GFRA4: variants seen among roughly 807,000 people sequenced by gnomAD.
GFRA4 encodes GDNF family receptor alpha 4.
A neutral mutation model predicts 28.5 loss-of-function variants in GFRA4; 31 were observed. The observed-to-expected ratio is 1.09, with a 90% CI of 0.82 to 1.47. The LOEUF (loss-of-function observed/expected upper bound fraction) is 1.47, where lower values mean the gene tolerates loss of function less well. GFRA4 is among the 40% of genes most tolerant of loss of function. The pLI, the probability that GFRA4 is intolerant of heterozygous loss-of-function variation, is 0.00. For missense variants in GFRA4, 389 were observed against 413.2 expected (o/e 0.94, Z 0.51); for synonymous variants, 188 against 188.0 (o/e 1.00, Z 0.00).
In GFRA4 at chr20:3,659,780, C is replaced by T. The variant is rs909101247; in HGVS notation, c.*129G>A. ...GGGTGTCCAAACCTACAAAGGGCAG[C>T]GGAGTGAAAGCACCAGGGCCGGCTT... On this transcript the variant is annotated 3_prime_UTR_variant, in exon 6 of 6. Transcript: ENST00000290417. The T allele has an allele frequency of 1.3e-5, 11 of 849,598 alleles. No individual in the cohort carries two copies. The highest frequency in any genetic ancestry group is 2.2e-5 in the Admixed American group (1 of 44,796). 52.6% of individuals were successfully genotyped at this position (849,598 alleles called of 1,614,324 possible).
At chr20:3,662,511 C>T (rs904665050) in intron 1 of GFRA4, among the ~76,000 whole-genome samples, 4 of 152,124 alleles carry the variant, frequency 2.6e-5, no homozygotes, top group African/African-American at 9.7e-5. Flanking sequence ...AGCAGGGTGC[C>T]TCTCTGGCAA....
Position 3,659,890 on chromosome 20 carries a change from T to C in GFRA4, c.*19A>G, listed in dbSNP as rs535023669. 11 of 1,578,532 alleles carry C rather than the reference T, an allele frequency of 7.0e-6. No homozygotes were observed. In the African/African-American group the frequency reaches 1.2e-4, roughly 17 times the overall value. On this transcript the variant is annotated 3_prime_UTR_variant, in exon 6 of 6. Transcript: ENST00000290417. ...CAGGGTGGAGTAGCTGGCTGTGCTATCCGAGGTCGCTGTCCTAATCAGAGC... is the reference window on the plus strand; with the variant it reads ...CAGGGTGGAGTAGCTGGCTGTGCTACCCGAGGTCGCTGTCCTAATCAGAGC...
rs1056923550 is a variant in GFRA4, at chr20:3,659,828, C to T, written c.*81G>A. 8.0e-6 allele frequency: 11 copies of T among 1,366,954 alleles called. No individual in the cohort carries two copies. The highest frequency in any genetic ancestry group is 1.1e-5 in the Non-Finnish European group (11 of 984,036). 84.7% of individuals were successfully genotyped at this position (1,366,954 alleles called of 1,614,324 possible). ...CTTGGGGGGTAAGCCAGCCCCTTCT[C>T]AAGGGGCCAGTAGGCCACAGAGGCG... On this transcript the variant is annotated 3_prime_UTR_variant, in exon 6 of 6. Coordinates refer to ENST00000290417, the MANE Select transcript of GFRA4 (RefSeq NM_022139.4).
intron 4 of GFRA4, 86 bp from the exon 5 acceptor site, chr20:3,660,335 C>T: frequency 1.7e-6 from 2 of 1,185,026 alleles, no homozygotes; most frequent in Non-Finnish European, 2.4e-6. Context: ...AGACCCCCTG[C>T]TGCAAAGACT....
chr20:3,661,193 G>A lies in GFRA4; in HGVS notation c.143C>T (p.Ala48Val). The change falls in exon 2 of 6, where the codon GCG (alanine) becomes GTG (valine). Residue 48 changes from alanine (A) to valine (V), a missense_variant. Coordinates refer to ENST00000290417, the MANE Select transcript of GFRA4 (RefSeq NM_022139.4). ...RCQRLRSEYV[A>V]QCLGRAAQGG... is the part of the protein sequence containing the mutation. ...CTGCGCAGCCCGGCCCAGGCACTGC[G>A]CCACATACTCGGAGCGCAAACGCTG... The A allele has an allele frequency of 2.0e-6, 3 of 1,491,400 alleles. No homozygotes were observed. Among genetic ancestry groups the A allele is most frequent in the South Asian group, 2.5e-5 (2 of 80,430 alleles). 92.4% of individuals were successfully genotyped at this position (1,491,400 alleles called of 1,614,324 possible). A position where few individuals can be genotyped will look rare whatever the true frequency, so the allele number is the denominator to read the frequency against.
intron 3 of GFRA4, 22 bp downstream of exon 3, chr20:3,660,733 C>A: frequency 6.9e-7 from 1 of 1,442,796 alleles, no homozygotes; most frequent in South Asian, 1.4e-5. Flanking sequence ...CCCGCCCTCG[C>A]CCGGATCCCG....
At position 3,660,916 on chromosome 20, in the gene GFRA4, C is replaced by T. The variant is rs2087213925; in HGVS notation, c.392+28G>A. On this transcript the variant is annotated intron_variant, in intron 2 of 5. Coordinates refer to ENST00000290417, the MANE Select transcript of GFRA4 (RefSeq NM_022139.4). ...GAGAGAGGCCCCGTCCCCACCCTCGCCACGGCCCCGCCGCCGCCCGCGCGC... is the reference window on the plus strand; with the variant it reads ...GAGAGAGGCCCCGTCCCCACCCTCGTCACGGCCCCGCCGCCGCCCGCGCGC... 2.2e-6 allele frequency: 3 copies of T among 1,379,746 alleles called. No individual in the cohort carries two copies. The Admixed American group carries it at 1.2e-4, about 55-fold the overall frequency. The allele number at this position is 1,379,746 out of a possible 1,614,324, so 85.5% of individuals were successfully genotyped here. A position where few individuals can be genotyped will look rare whatever the true frequency, so the allele number is the denominator to read the frequency against.
intron 4 of GFRA4, 42 bp downstream of exon 4, chr20:3,660,484 C>T (rs948563295): frequency 2.0e-6 from 3 of 1,516,614 alleles, no homozygotes; most frequent in African/African-American, 1.4e-5. Context: ...GGGCAGTAAG[C>T]GCCGCCCCCA....
intron 4 of GFRA4, 27 bp downstream of exon 4, chr20:3,660,499 C>CT (rs2087205804): frequency 6.6e-7 from 1 of 1,511,802 alleles, no homozygotes; most frequent in African/African-American, 1.4e-5. Context: ...CCCCCACTCC[C>CT]CCTCCACTCC....
rs936729103 is a variant in GFRA4 at position 3,660,766 on chromosome 20, G to A, written c.491C>T (p.Ala164Val). 4 of 1,416,878 alleles carry A rather than the reference G, an allele frequency of 2.8e-6. No individual in the cohort carries two copies. The highest frequency in any genetic ancestry group is 1.5e-5 in the South Asian group (1 of 65,130). 87.8% of individuals were successfully genotyped at this position (1,416,878 alleles called of 1,614,324 possible). A position where few individuals can be genotyped will look rare whatever the true frequency, so the allele number is the denominator to read the frequency against. ...DQGARCLRAYAGLVGTAVTPN... is the reference protein window; with the variant it reads ...DQGARCLRAYVGLVGTAVTPN... ...CCGGCCGCGCGTACCCACGAGGCCC[G>A]CGTAGGCGCGCAGGCAGCGGGCGCC... The change falls in exon 3 of 6, where the codon GCG (alanine) becomes GTG (valine). Residue 164 changes from alanine (A) to valine (V), a missense_variant. Ala to Val is a moderately conservative substitution (Grantham distance 64, BLOSUM62 0). Coordinates refer to ENST00000290417, the MANE Select transcript of GFRA4 (RefSeq NM_022139.4).
chr20:3,660,878 G>T lies in GFRA4; in HGVS notation c.393-14C>A. Reference sequence around the variant, plus strand: ...AGGAGGCGAGGCCTGCGCGGCGGGAGGGCGGTGAGCCGGAGAGAGGCCCCG... The same window carrying T: ...AGGAGGCGAGGCCTGCGCGGCGGGATGGCGGTGAGCCGGAGAGAGGCCCCG... On this transcript the variant is annotated splice_polypyrimidine_tract_variant and intron_variant, in intron 2 of 5. Coordinates refer to ENST00000290417, the MANE Select transcript of GFRA4 (RefSeq NM_022139.4). 1 of 1,405,944 alleles carries T rather than the reference G, an allele frequency of 7.1e-7. No homozygotes were observed. The highest frequency in any genetic ancestry group is 9.2e-7 in the Non-Finnish European group (1 of 1,090,202). The allele number at this position is 1,405,944 out of a possible 1,614,324, so 87.1% of individuals were successfully genotyped here.
chr20:3,661,981 G>A (rs1332050522), intron 1 of GFRA4, among the ~76,000 whole-genome samples: 1 of 152,156 alleles, frequency 6.6e-6, no homozygotes, highest in Non-Finnish European at 1.5e-5. Context: ...CCCTTCATCA[G>A]CCAGGGGAGA....
In GFRA4 at chr20:3,659,985, G is replaced by T. The variant is rs919068467; in HGVS notation, c.734C>A (p.Ser245Tyr). Residue 245 changes from serine (S) to tyrosine (Y), a missense_variant, in exon 6 of 6, where the codon TCC becomes TAC. By Grantham distance (144) the Ser-to-Tyr change is moderately radical. Transcript: ENST00000290417. The stretch of plus-strand genomic sequence containing the variant: ...TCTCTCCAGGGCCCTGCCTGTGGAG[G>T]ACACCTTGGGGGTGGGAGCCAAGTG... ...GDPEHSLLQV[S>Y]STGRALERRS... is the part of the protein sequence containing the mutation. 1.9e-6 allele frequency: 3 copies of T among 1,575,992 alleles called. No individual in the cohort carries two copies. Among genetic ancestry groups the T allele is most frequent in the African/African-American group, 2.7e-5 (2 of 74,396 alleles).
chr20:3,662,937 C>T (rs908408071), intron 1 of GFRA4, among the ~76,000 whole-genome samples: 41 of 152,184 alleles, frequency 2.7e-4, no homozygotes, highest in Non-Finnish European at 5.6e-4. Flanking sequence ...GTAAAGTGAC[C>T]CCTCCCTCCG....
At chr20:3,662,222 G>A (rs1310296578) in intron 1 of GFRA4, among the ~76,000 whole-genome samples, 1 of 152,178 alleles carries the variant, frequency 6.6e-6, no homozygotes, top group African/African-American at 2.4e-5. Context: ...GTAGACAGAG[G>A]GTGAGCTCTG....
rs2087218227 is a variant in GFRA4 at position 3,661,126 on chromosome 20, G to A, written c.210C>T (p.Arg70=). 7.7e-7 allele frequency: 1 copy of A among 1,305,864 alleles called. No individual in the cohort carries two copies. Among genetic ancestry groups the A allele is most frequent in the Admixed American group, 4.2e-5 (1 of 23,830 alleles). 80.9% of individuals were successfully genotyped at this position (1,305,864 alleles called of 1,614,324 possible). Residue 70 remains arginine (R), a synonymous_variant, in exon 2 of 6, where the codon CGC becomes CGT. Coordinates refer to ENST00000290417, the MANE Select transcript of GFRA4 (RefSeq NM_022139.4). The part of the protein sequence containing the change: ...PRARCRRALR[R]FFARGPPALT... ...GCGCGGGCGGCCCGCGGGCGAAGAA[G>A]CGGCGCAGGGCCCGGCGGCAGCGGG...
Position 3,659,620 on chromosome 20 carries a change from C to T in GFRA4, c.*289G>A, listed in dbSNP as rs2087194504. ...TACAAAAGTGACCCTCTCCTGACCCCACCTTGTGGGAGACCCCAGTGGTCT... is the reference window on the plus strand; with the variant it reads ...TACAAAAGTGACCCTCTCCTGACCCTACCTTGTGGGAGACCCCAGTGGTCT... On this transcript the variant is annotated 3_prime_UTR_variant, in exon 6 of 6. Transcript: ENST00000290417. The T allele has an allele frequency of 4.1e-6, 2 of 492,376 alleles. No homozygotes were observed. Among genetic ancestry groups the T allele is most frequent in the Admixed American group, 7.5e-5 (2 of 26,728 alleles). The allele number at this position is 492,376 out of a possible 1,614,324, so 30.5% of individuals were successfully genotyped here. A position where few individuals can be genotyped will look rare whatever the true frequency, so the allele number is the denominator to read the frequency against.
At position 3,659,739 on chromosome 20, in the gene GFRA4, C is replaced by G. The variant is rs769720960; in HGVS notation, c.*170G>C. ...AGGCCCCAGCCTACATCCCTTGCCC[C>G]AGGGGACGGCACACAGGGTGTCCAA... On this transcript the variant is annotated 3_prime_UTR_variant, in exon 6 of 6. Coordinates refer to ENST00000290417, the MANE Select transcript of GFRA4 (RefSeq NM_022139.4). 3 of 636,290 alleles carry G rather than the reference C, an allele frequency of 4.7e-6. No homozygotes were observed. The highest frequency in any genetic ancestry group is 8.2e-6 in the Non-Finnish European group (3 of 367,422). The allele number at this position is 636,290 out of a possible 1,614,324, so 39.4% of individuals were successfully genotyped here.
chr20:3,659,776 G>A lies in GFRA4; in HGVS notation c.*133C>T, dbSNP rs541289546. 5.5e-5 allele frequency: 45 copies of A among 823,236 alleles called. 1 individual carries two copies. In the South Asian group the frequency reaches 6.2e-4, roughly 11 times the overall value. The allele number at this position is 823,236 out of a possible 1,614,324, so 51.0% of individuals were successfully genotyped here. A position where few individuals can be genotyped will look rare whatever the true frequency, so the allele number is the denominator to read the frequency against. ...CACAGGGTGTCCAAACCTACAAAGG[G>A]CAGCGGAGTGAAAGCACCAGGGCCG... On this transcript the variant is annotated 3_prime_UTR_variant, in exon 6 of 6. Coordinates refer to ENST00000290417, the MANE Select transcript of GFRA4 (RefSeq NM_022139.4).
Sources: allele counts gnomAD v4.1 joint callset (sites outside exome capture counted in the v4.1 genomes callset), GRCh38; gene constraint gnomAD v4.1.1; transcripts MANE v1.5; gene names NCBI Gene and HGNC (gene_info 2026-07-23, HGNC 2026-07-21).